Variants in WWOX observed in about 807,000 individuals in gnomAD.
WWOX encodes the protein WW domain-containing oxidoreductase.
In WWOX, 69 loss-of-function variants were observed where a neutral mutation model predicts 46.2. That is an observed-to-expected ratio of 1.49 (90% confidence interval 1.23 to 1.82). WWOX has a LOEUF of 1.82. Among genes scored for constraint, WWOX ranks in the 40% most tolerant of loss-of-function variants. WWOX has a pLI of 0.00. For missense variants in WWOX, 919 were observed against 542.6 expected (o/e 1.69, Z -6.89); for synonymous variants, 359 against 202.6 (o/e 1.77, Z -6.56).
chr16:78,631,957 AT>A (rs59745881), intron 8 of WWOX, among the ~76,000 whole-genome samples: 1 of 151,280 alleles, frequency 6.6e-6, no homozygotes, highest in African/African-American at 2.4e-5. Context: ...GAGGTGGTTT[AT>A]TTTTTTTTAA....
At chr16:78,353,623 G>T (rs567098322) in intron 5 of WWOX, among the ~76,000 whole-genome samples, 2 of 152,198 alleles carry the variant, frequency 1.3e-5, no homozygotes, top group African/African-American at 4.8e-5. Context: ...GGGATAATTA[G>T]TATTATCTTT....
intron 8 of WWOX, among the ~76,000 whole-genome samples, chr16:78,814,223 G>A (rs1352197265): frequency 3.9e-5 from 6 of 152,106 alleles, no homozygotes; most frequent in Non-Finnish European, 5.9e-5. Flanking sequence ...TGGCAAAAAT[G>A]TGCCTCCATC....
chr16:79,134,389 T>C lies in WWOX; in HGVS notation c.1057-77219T>C, dbSNP rs185426646. Among the ~76,000 whole-genome samples, 42 of 152,126 alleles carry C rather than the reference T, an allele frequency of 2.8e-4. No individual in the cohort carries two copies. In the East Asian group the frequency reaches 8.0e-3, roughly 29 times the overall value. On this transcript the variant is annotated intron_variant, in intron 8 of 8. Coordinates refer to ENST00000566780, the MANE Select transcript of WWOX (RefSeq NM_016373.4). The stretch of plus-strand genomic sequence containing the variant: ...TAAGGTTGCAACAGGCAGCCCAGCA[T>C]GGAAGGGGCTGTCTGCAAAGAGGCA...
At chr16:78,482,350 T>C (rs1256573292) in intron 8 of WWOX, among the ~76,000 whole-genome samples, 1 of 152,158 alleles carries the variant, frequency 6.6e-6, no homozygotes, top group African/African-American at 2.4e-5. Flanking sequence ...GCCTCCGTAG[T>C]AGTCAGGACT....
intron 5 of WWOX, among the ~76,000 whole-genome samples, chr16:78,261,477 A>G (rs2079232622): frequency 6.6e-6 from 1 of 150,870 alleles, no homozygotes; most frequent in Admixed American, 6.6e-5. Context: ...AGAAAAGACT[A>G]AAAAGAAAGC....
intron 8 of WWOX, among the ~76,000 whole-genome samples, chr16:79,102,720 C>G (rs970323311): frequency 6.6e-6 from 1 of 152,116 alleles, no homozygotes; most frequent in Non-Finnish European, 1.5e-5. Flanking sequence ...ATCCTAATAT[C>G]TCGGAGGTTC....
intron 5 of WWOX, among the ~76,000 whole-genome samples, chr16:78,344,762 C>G (rs2081066926): frequency 8.2e-6 from 1 of 121,528 alleles, no homozygotes; most frequent in African/African-American, 2.8e-5. Context: ...CCATTTGGCC[C>G]TGATAAAGCT....
Position 78,475,607 on chromosome 16 carries a change from G to C in WWOX, c.1056+42855G>C, listed in dbSNP as rs144338849. 4.5e-3 allele frequency among the ~76,000 whole-genome samples: 678 copies of C among 152,138 alleles called. 27 individuals are homozygous for C. Among genetic ancestry groups the C allele is most frequent in the Admixed American group, 0.037 (572 of 15,278 alleles). ...TTTTTTAGTTTATATTTTTATTTTA[G>C]TTCATTTCATTTAAGACAGCGTCTG... is the stretch of plus-strand genomic sequence containing the variant. On this transcript the variant is annotated intron_variant, in intron 8 of 8. Coordinates refer to ENST00000566780, the MANE Select transcript of WWOX (RefSeq NM_016373.4).
chr16:79,142,481 C>G (rs1244953974), intron 8 of WWOX, among the ~76,000 whole-genome samples: 2 of 152,152 alleles, frequency 1.3e-5, no homozygotes, highest in African/African-American at 4.8e-5. Context: ...TCCCTCCTCC[C>G]CACCAAAGCT....
intron 8 of WWOX, among the ~76,000 whole-genome samples, chr16:78,524,511 C>G (rs2043417084): frequency 6.6e-6 from 1 of 151,880 alleles, no homozygotes; most frequent in Non-Finnish European, 1.5e-5. Context: ...GCCTCTGCCT[C>G]CCGTGTCCAA....
At chr16:78,181,414 C>G (rs896378273) in intron 5 of WWOX, among the ~76,000 whole-genome samples, 1 of 152,080 alleles carries the variant, frequency 6.6e-6, no homozygotes. Context: ...TAAATCTCTT[C>G]GTGAGCTCTG....
intron 8 of WWOX, among the ~76,000 whole-genome samples, chr16:79,020,224 G>T (rs557857599): frequency 2.6e-5 from 4 of 152,222 alleles, no homozygotes; most frequent in Admixed American, 2.0e-4. Context: ...CCCATTGAGA[G>T]ACATAAGGAT....
chr16:78,148,216 AC>A (rs1189750537), intron 4 of WWOX, among the ~76,000 whole-genome samples: 1 of 152,204 alleles, frequency 6.6e-6, no homozygotes, highest in African/African-American at 2.4e-5. Context: ...CTACTTCTAA[AC>A]AACCAGAAAC....
intron 8 of WWOX, among the ~76,000 whole-genome samples, chr16:79,177,078 G>C (rs200075619): frequency 6.6e-6 from 1 of 152,128 alleles, no homozygotes; most frequent in Non-Finnish European, 1.5e-5. Flanking sequence ...AAGTCCTTTC[G>C]AATATAAAAT....
chr16:78,327,541 A>G (rs929747366), intron 5 of WWOX, among the ~76,000 whole-genome samples: 2 of 152,160 alleles, frequency 1.3e-5, no homozygotes, highest in Non-Finnish European at 2.9e-5. Flanking sequence ...TACAAATCAC[A>G]GCCCATCTCC....
At chr16:78,643,826 C>CG (rs2046779592) in intron 8 of WWOX, among the ~76,000 whole-genome samples, 1 of 138,580 alleles carries the variant, frequency 7.2e-6, no homozygotes. Context: ...CCCCTAACTC[C>CG]AAAAAAAAAA....
At chr16:78,410,805 C>CA (rs61207788) in intron 6 of WWOX, among the ~76,000 whole-genome samples, 6,419 of 74,388 alleles carry the variant, frequency 0.086, 225 homozygotes, top group Non-Finnish European at 0.096. Flanking sequence ...GGCCCCACCT[C>CA]AAAAAAAAAA....
chr16:79,039,412 C>G (rs958646624), intron 8 of WWOX, among the ~76,000 whole-genome samples: 1 of 152,156 alleles, frequency 6.6e-6, no homozygotes, highest in African/African-American at 2.4e-5. Context: ...AGTCACAGAA[C>G]AGCCAAGCCC....
chr16:78,590,287 C>T lies in WWOX; in HGVS notation c.1056+157535C>T, dbSNP rs576606119. Among the ~76,000 whole-genome samples, 5 of 152,272 alleles carry T rather than the reference C, an allele frequency of 3.3e-5. No individual in the cohort carries two copies. The South Asian group carries it at 8.3e-4, about 25-fold the overall frequency. On this transcript the variant is annotated intron_variant, in intron 8 of 8. Transcript: ENST00000566780. The stretch of plus-strand genomic sequence containing the variant: ...TGTCTGGTGAGGGCTGCTTTCTATC[C>T]TTCAAAAAGGCACCACGTTGCTGTG...
Sources: gnomAD v4.1 joint callset for allele counts (sites outside exome capture counted in the v4.1 genomes callset) on GRCh38, gnomAD v4.1.1 for gene constraint, MANE v1.5 for transcripts, NCBI Gene and HGNC (gene_info 2026-07-23, HGNC 2026-07-21) for gene names.